The following XPO5 variants were observed in gnomAD, a reference collection of about 807,000 sequenced individuals.
The protein encoded by XPO5 is exportin-5.
Under a neutral mutation model 160.6 loss-of-function variants are expected in XPO5, and 46 were observed. The ratio of observed to expected loss-of-function variants is 0.29; its 90% CI spans 0.23 to 0.37. XPO5 has a LOEUF of 0.37. Ranked by LOEUF, XPO5 falls within the 10% of genes least tolerant of loss-of-function variation. The pLI, the probability that XPO5 is intolerant of heterozygous loss-of-function variation, is 1.00. For synonymous variants in XPO5, 537 were observed against 519.3 expected (o/e 1.03, Z -0.46); for missense variants, 1,090 against 1,463.9 (o/e 0.74, Z 4.17).
intron 22 of XPO5, among the ~76,000 whole-genome samples, 188 bp downstream of exon 22, chr6:43,531,291 T>C (rs766188120): frequency 6.6e-6 from 1 of 152,220 alleles, no homozygotes; most frequent in Non-Finnish European, 1.5e-5. Context: ...GAGGCTCATA[T>C]GACAATTACA....
intron 3 of XPO5, 60 bp from the exon 4 acceptor site, chr6:43,571,054 A>G: frequency 6.4e-7 from 1 of 1,551,452 alleles, no homozygotes; most frequent in Non-Finnish European, 8.7e-7. Flanking sequence ...CTTCCAGAAA[A>G]AAGCTGGGCT....
At chr6:43,533,396 G>A (rs944976134) in intron 21 of XPO5, 27 of 152,364 alleles carry the variant, frequency 1.8e-4, no homozygotes, top group African/African-American at 6.3e-4. Flanking sequence ...AAAATAAATT[G>A]CCTTCGATTT....
Position 43,561,013 on chromosome 6 carries a change from G to A in XPO5, c.1012-6C>T. On this transcript the variant is annotated splice_polypyrimidine_tract_variant and splice_region_variant and intron_variant, in intron 9 of 31. Transcript: ENST00000265351. ...TCTACATCAGAATCTGCACCCTGTA[G>A]GAGAAGACCACTATATTAACGGTGT... The A allele has an allele frequency of 6.2e-7, 1 of 1,610,028 alleles. No individual in the cohort carries two copies. Among genetic ancestry groups the A allele is most frequent in the African/African-American group, 1.3e-5 (1 of 74,974 alleles).
chr6:43,560,629 AC>A (rs1211394565), intron 10 of XPO5, among the ~76,000 whole-genome samples: 1 of 152,218 alleles, frequency 6.6e-6, no homozygotes, highest in Non-Finnish European at 1.5e-5. Flanking sequence ...AATTAATCAG[AC>A]TTTTGTTTCA....
chr6:43,549,812 T>C (rs1795142386), intron 16 of XPO5, 81 bp downstream of exon 16: 1 of 1,446,398 alleles, frequency 6.9e-7, no homozygotes. Flanking sequence ...CCCATTTATA[T>C]AAAAATATAA....
intron 6 of XPO5, 53 bp from the exon 7 acceptor site, chr6:43,567,407 A>C (rs1762751697): frequency 6.7e-7 from 1 of 1,503,348 alleles, no homozygotes; most frequent in Admixed American, 2.3e-5. Context: ...ACAGGTAAGG[A>C]ATCAGTGGTT....
chr6:43,564,145 C>T (rs941369807), intron 8 of XPO5, among the ~76,000 whole-genome samples: 4 of 152,226 alleles, frequency 2.6e-5, no homozygotes, highest in South Asian at 2.1e-4. Flanking sequence ...TGGTCTTGAA[C>T]TCCTGACCTC....
At chr6:43,575,277 T>G (rs1049227081) in intron 1 of XPO5, among the ~76,000 whole-genome samples, 1 of 152,066 alleles carries the variant, frequency 6.6e-6, no homozygotes, top group African/African-American at 2.4e-5. Flanking sequence ...TTAAAGCATA[T>G]AAGCATAAGG....
At chr6:43,551,143 C>G in intron 15 of XPO5, 155 bp downstream of exon 15, 3 of 668,166 alleles carry the variant, frequency 4.5e-6, no homozygotes, top group Non-Finnish European at 6.9e-6. Flanking sequence ...GTAGTCTCAG[C>G]TACTCAGAAG....
At chr6:43,546,793 A>G in intron 19 of XPO5, 41 bp from the exon 20 acceptor site, 1 of 1,478,860 alleles carries the variant, frequency 6.8e-7, no homozygotes, top group Non-Finnish European at 9.0e-7. Flanking sequence ...TTAAAAGGAA[A>G]AAAAAAAAAA....
At position 43,553,526 on chromosome 6, in the gene XPO5, T is replaced by TACACACAC. The variant is rs111634867; in HGVS notation, c.1442-31_1442-24dup. The TACACACAC allele has an allele frequency of 1.3e-3, 1,875 of 1,448,014 alleles. 13 individuals are homozygous for TACACACAC. In the African/African-American group the frequency reaches 0.025, roughly 19 times the overall value. The allele number at this position is 1,448,014 out of a possible 1,614,324, so 89.7% of individuals were successfully genotyped here. On this transcript the variant is annotated intron_variant, in intron 13 of 31. Transcript: ENST00000265351. The stretch of plus-strand genomic sequence containing the variant: ...AAGCTTTAAAACACACACACACACA[T>TACACACAC]ACACACACACACACACACACACAAT...
chr6:43,563,219 G>C (rs1161146559), intron 8 of XPO5, among the ~76,000 whole-genome samples: 1 of 151,978 alleles, frequency 6.6e-6, no homozygotes, highest in Non-Finnish European at 1.5e-5. Context: ...CAAACTAATG[G>C]GCTTCAAGGG....
chr6:43,542,134 G>C (rs949710151), intron 20 of XPO5, among the ~76,000 whole-genome samples: 8 of 152,062 alleles, frequency 5.3e-5, no homozygotes, highest in African/African-American at 1.9e-4. Context: ...CTCAATTCAG[G>C]CTAGTCATTT....
chr6:43,561,947 C>T lies in XPO5; in HGVS notation c.1011+300G>A, dbSNP rs57937463. On this transcript the variant is annotated intron_variant, in intron 9 of 31. Transcript: ENST00000265351. ...GCTAACAGAATGTAAAAGCATAAAGCACTCAGCAGATTGAGGTTCTGTAAG... is the reference window on the plus strand; with the variant it reads ...GCTAACAGAATGTAAAAGCATAAAGTACTCAGCAGATTGAGGTTCTGTAAG... 1,167 of 225,972 alleles carry T rather than the reference C, an allele frequency of 5.2e-3. 10 individuals carry two copies. Among genetic ancestry groups the T allele is most frequent in the African/African-American group, 0.025 (1,102 of 43,868 alleles). The allele number at this position is 225,972 out of a possible 1,614,324, so 14.0% of individuals were successfully genotyped here.
At chr6:43,545,274 G>A (rs1474085174) in intron 20 of XPO5, among the ~76,000 whole-genome samples, 1 of 152,160 alleles carries the variant, frequency 6.6e-6, no homozygotes, top group Non-Finnish European at 1.5e-5. Context: ...TGGTTCTCAG[G>A]CTTCAGGTCT....
At chr6:43,548,697 C>G (rs571620951) in intron 17 of XPO5, among the ~76,000 whole-genome samples, 1 of 151,518 alleles carries the variant, frequency 6.6e-6, no homozygotes, top group Non-Finnish European at 1.5e-5. Context: ...CATACTACAA[C>G]TGTGAAAAGA....
intron 25 of XPO5, 31 bp downstream of exon 25, chr6:43,528,128 C>T: frequency 6.3e-7 from 1 of 1,574,928 alleles, no homozygotes; most frequent in Non-Finnish European, 8.6e-7. Context: ...GCCAGTTCAT[C>T]CACCAAGAAG....
At position 43,555,870 on chromosome 6, in the gene XPO5, T is replaced by G; in HGVS notation, c.1407A>C (p.Gln469His). The G allele has an allele frequency of 6.2e-7, 1 of 1,613,980 alleles. No individual in the cohort carries two copies. Among genetic ancestry groups the G allele is most frequent in the South Asian group, 1.1e-5 (1 of 91,090 alleles). The change falls in exon 13 of 32, where the codon CAA becomes CAC. Residue 469 changes from glutamine (Q) to histidine (H), a missense_variant. Gln to His is a conservative substitution (Grantham distance 24, BLOSUM62 0). Coordinates refer to ENST00000265351, the MANE Select transcript of XPO5 (RefSeq NM_020750.3). ...AACCAGCATCAAGAAAAGTTGATAGTTGATACTTTAGCCACTCCCCAGCCA... is the reference window on the plus strand; with the variant it reads ...AACCAGCATCAAGAAAAGTTGATAGGTGATACTTTAGCCACTCCCCAGCCA... ...FQMAGEWLKY[Q>H]LSTFLDAGSV...
Position 43,558,640 on chromosome 6 carries a change from A to G in XPO5, c.1222-49T>C, listed in dbSNP as rs1762242736. 1.3e-5 allele frequency: 19 copies of G among 1,433,952 alleles called. No individual in the cohort carries two copies. The Admixed American group carries it at 3.7e-4, about 28-fold the overall frequency. 88.8% of individuals were successfully genotyped at this position (1,433,952 alleles called of 1,614,324 possible). A position where few individuals can be genotyped will look rare whatever the true frequency, so the allele number is the denominator to read the frequency against. On this transcript the variant is annotated intron_variant, in intron 11 of 31. Transcript: ENST00000265351. Reference sequence around the variant, plus strand: ...GTAGGGGATGAAAGTGGACCCACTGAAAGAGTTTTTAAGCTTCAGGAGTTC... The same window carrying G: ...GTAGGGGATGAAAGTGGACCCACTGGAAGAGTTTTTAAGCTTCAGGAGTTC...
Sources: allele counts gnomAD v4.1 joint callset (sites outside exome capture counted in the v4.1 genomes callset), GRCh38; gene constraint gnomAD v4.1.1; transcripts MANE v1.5; gene names NCBI Gene and HGNC (gene_info 2026-07-23, HGNC 2026-07-21).